The following ADAMTSL3 variants were observed in gnomAD, a reference collection of about 807,000 sequenced individuals.
ADAMTSL3 encodes the protein ADAMTS like 3, also known as ADAMTS-like protein 3.
ADAMTSL3 carries 128 observed loss-of-function variants against 201.7 expected under a neutral mutation model. That is an observed-to-expected ratio of 0.63 (90% CI 0.55 to 0.73). The LOEUF is 0.73. Among genes scored for constraint, ADAMTSL3 ranks in the 30% least tolerant of loss-of-function variants. The pLI is 0.00. For synonymous variants in ADAMTSL3, 738 were observed against 748.4 expected (o/e 0.99, Z 0.23); for missense variants, 1,990 against 2,119.6 (o/e 0.94, Z 1.20).
intron 15 of ADAMTSL3, among the ~76,000 whole-genome samples, chr15:83,907,908 C>T (rs2065869374): frequency 6.6e-6 from 1 of 152,158 alleles, no homozygotes; most frequent in Admixed American, 6.5e-5. Flanking sequence ...AGTGGAATTG[C>T]TGGATCAAAC....
chr15:83,802,107 T>C (rs1257631979), intron 4 of ADAMTSL3, among the ~76,000 whole-genome samples: 3 of 152,176 alleles, frequency 2.0e-5, no homozygotes, highest in Admixed American at 2.0e-4. Flanking sequence ...TCATGCAGCA[T>C]TGCCTTTCCT....
At chr15:83,871,411 A>G (rs4572348) in intron 9 of ADAMTSL3, among the ~76,000 whole-genome samples, 35,984 of 152,140 alleles carry the variant, frequency 0.24, 4,813 homozygotes, top group Non-Finnish European at 0.28. Flanking sequence ...TAAATGCACC[A>G]TATCCTAAAC....
intron 22 of ADAMTSL3, 63 bp from the exon 23 acceptor site, chr15:83,991,023 A>G (rs1405099145): frequency 4.4e-6 from 7 of 1,605,810 alleles, no homozygotes; most frequent in East Asian, 2.2e-5. Context: ...ACCAAATGCA[A>G]TATGTTTTAC....
chr15:83,697,287 C>T (rs1298851038), intron 2 of ADAMTSL3, among the ~76,000 whole-genome samples: 3 of 152,144 alleles, frequency 2.0e-5, no homozygotes, highest in Non-Finnish European at 2.9e-5. Flanking sequence ...TTCCACTCAA[C>T]ACAGCACTTG....
At chr15:83,818,358 G>A (rs890579275) in intron 5 of ADAMTSL3, among the ~76,000 whole-genome samples, 2 of 151,910 alleles carry the variant, frequency 1.3e-5, no homozygotes, top group African/African-American at 4.8e-5. Context: ...ACAGAGTCTC[G>A]CTCTGTCACT....
chr15:83,933,015 C>T (rs940801993), intron 17 of ADAMTSL3, among the ~76,000 whole-genome samples: 13 of 152,126 alleles, frequency 8.5e-5, no homozygotes, highest in African/African-American at 3.1e-4. Flanking sequence ...TTTAGAAGAA[C>T]CAATTATCAC....
At chr15:83,917,696 G>C (rs1352012417) in intron 16 of ADAMTSL3, among the ~76,000 whole-genome samples, 1 of 151,936 alleles carries the variant, frequency 6.6e-6, no homozygotes, top group Non-Finnish European at 1.5e-5. Flanking sequence ...AACAACACAG[G>C]CTAGGAGTAT....
At chr15:83,872,468 A>AG (rs2065098807) in intron 9 of ADAMTSL3, among the ~76,000 whole-genome samples, 1 of 152,116 alleles carries the variant, frequency 6.6e-6, no homozygotes, top group African/African-American at 2.4e-5. Flanking sequence ...ATATTATGAA[A>AG]GGTTTTGGGG....
At chr15:83,967,837 A>G (rs2067118200) in intron 19 of ADAMTSL3, among the ~76,000 whole-genome samples, 1 of 152,246 alleles carries the variant, frequency 6.6e-6, no homozygotes, top group Non-Finnish European at 1.5e-5. Flanking sequence ...AAACAGATAT[A>G]TAGACCAATG....
intron 15 of ADAMTSL3, among the ~76,000 whole-genome samples, chr15:83,905,353 C>A (rs1422462574): frequency 1.3e-5 from 2 of 152,156 alleles, no homozygotes; most frequent in Non-Finnish European, 2.9e-5. Context: ...CCTAGAGTGT[C>A]CTACAATGTC....
At position 83,804,635 on chromosome 15, in the gene ADAMTSL3, T is replaced by C. The variant is rs776372369; in HGVS notation, c.318-15T>C. The C allele has an allele frequency of 6.6e-7, 1 of 1,524,552 alleles. No homozygotes were observed. The highest frequency in any genetic ancestry group is 1.2e-5 in the South Asian group (1 of 80,676). The allele number at this position is 1,524,552 out of a possible 1,614,324, so 94.4% of individuals were successfully genotyped here. On this transcript the variant is annotated splice_polypyrimidine_tract_variant and intron_variant, in intron 4 of 29. Transcript: ENST00000286744. Reference sequence around the variant, plus strand: ...AAATCATTATTTCTTCTTTCTTCTTTCTTTTTTCCTTTAGGAATTGTGAAG... The same window carrying C: ...AAATCATTATTTCTTCTTTCTTCTTCCTTTTTTCCTTTAGGAATTGTGAAG...
At chr15:83,777,404 A>C (rs1316862635) in intron 4 of ADAMTSL3, among the ~76,000 whole-genome samples, 1 of 152,230 alleles carries the variant, frequency 6.6e-6, no homozygotes, top group Admixed American at 6.5e-5. Flanking sequence ...TGGCCCCTGC[A>C]GTGCAGTGGA....
At chr15:83,880,474 C>A (rs1254729421) in intron 9 of ADAMTSL3, among the ~76,000 whole-genome samples, 1 of 152,190 alleles carries the variant, frequency 6.6e-6, no homozygotes, top group Non-Finnish European at 1.5e-5. Context: ...TGAATAGTTG[C>A]AACAGAAACC....
chr15:83,720,800 A>G (rs537414311), intron 3 of ADAMTSL3, among the ~76,000 whole-genome samples: 2 of 152,214 alleles, frequency 1.3e-5, no homozygotes, highest in South Asian at 2.1e-4. Context: ...CCATTACAGG[A>G]TAGTACTTTT....
At chr15:83,917,550 A>G (rs1232145570) in intron 16 of ADAMTSL3, among the ~76,000 whole-genome samples, 1 of 152,188 alleles carries the variant, frequency 6.6e-6, no homozygotes, top group Non-Finnish European at 1.5e-5. Context: ...CCTGGAAGAT[A>G]TGCCTACCTT....
At chr15:83,934,206 G>T (rs1350508689) in intron 17 of ADAMTSL3, among the ~76,000 whole-genome samples, 1 of 152,192 alleles carries the variant, frequency 6.6e-6, no homozygotes, top group Non-Finnish European at 1.5e-5. Flanking sequence ...AGCCACAAGG[G>T]CGGAGCTTTC....
At position 84,021,603 on chromosome 15, in the gene ADAMTSL3, G is replaced by A; in HGVS notation, c.4457+10G>A. 1 of 1,612,910 alleles carries A rather than the reference G, an allele frequency of 6.2e-7. No individual in the cohort carries two copies. Among genetic ancestry groups the A allele is most frequent in the Non-Finnish European group, 8.5e-7 (1 of 1,179,276 alleles). ...GGGACTGCCCAGCGAGGTAAGTGAA[G>A]TCACTCTTTGTATCTCATCAACACC... On this transcript the variant is annotated intron_variant, in intron 26 of 29. Transcript: ENST00000286744.
At chr15:83,834,566 C>T (rs2064225552) in intron 6 of ADAMTSL3, among the ~76,000 whole-genome samples, 1 of 152,194 alleles carries the variant, frequency 6.6e-6, no homozygotes, top group Non-Finnish European at 1.5e-5. Context: ...ACTAGTGCCA[C>T]TTATTTAAGT....
chr15:83,687,199 A>C (rs935884406), intron 2 of ADAMTSL3, among the ~76,000 whole-genome samples: 1 of 152,188 alleles, frequency 6.6e-6, no homozygotes, highest in Admixed American at 6.5e-5. Context: ...GTGAAACTCT[A>C]TCTCTAAAAT....
Sources: gnomAD v4.1 joint callset for allele counts (sites outside exome capture counted in the v4.1 genomes callset) on GRCh38, gnomAD v4.1.1 for gene constraint, MANE v1.5 for transcripts, NCBI Gene and HGNC (gene_info 2026-07-23, HGNC 2026-07-21) for gene names.